The following MAP4K1 variants were observed in gnomAD, a reference collection of about 807,000 sequenced individuals.
MAP4K1 encodes the protein MAPK/ERK kinase kinase kinase 1.
Under a neutral mutation model 122.8 loss-of-function variants are expected in MAP4K1, and 35 were observed. The ratio of observed to expected loss-of-function variants is 0.29; its 90% CI spans 0.22 to 0.38. The LOEUF (loss-of-function observed/expected upper bound fraction) is 0.38. MAP4K1 is among the 10% of genes least tolerant of loss of function. The pLI is 1.00. For synonymous variants in MAP4K1, 412 were observed against 421.3 expected, an observed-to-expected ratio of 0.98 and a Z score of 0.27; for missense variants, 791 against 1,072.6, an observed-to-expected ratio of 0.74 and a Z score of 3.67.
At position 38,605,668 on chromosome 19, in the gene MAP4K1, G is replaced by C. The variant is rs769591301; in HGVS notation, c.1263C>G (p.Ser421Arg). 2.5e-6 allele frequency: 4 copies of C among 1,606,134 alleles called. No homozygotes were observed. In the Admixed American group the frequency reaches 5.2e-5, roughly 21 times the overall value. The part of the protein sequence containing the change: ...PGSMGDDGQL[S>R]PGVLVRCASG... ...TGGCACACCGGACCAGCACCCCCGG[G>C]CTCAGCTGCCCATCATCCCCCATGC... The change falls in exon 18 of 31, where the codon AGC becomes AGG. Residue 421 changes from serine to arginine, a missense_variant. By Grantham distance (110) the Ser-to-Arg change is moderately radical. Coordinates refer to ENST00000396857, the MANE Select transcript of MAP4K1 (RefSeq NM_001042600.3).
chr19:38,610,068 G>C, intron 11 of MAP4K1, 43 bp from the exon 12 acceptor site: 1 of 1,392,766 alleles, frequency 7.2e-7, no homozygotes, highest in Admixed American at 1.7e-5. Flanking sequence ...GGATGGTGTG[G>C]ACAGAGAGGG....
In MAP4K1 at chr19:38,600,135, C is replaced by T; in HGVS notation, c.1550G>A (p.Gly517Glu). The T allele has an allele frequency of 6.2e-7, 1 of 1,614,134 alleles. No individual in the cohort carries two copies. The highest frequency in any genetic ancestry group is 1.3e-5 in the African/African-American group (1 of 75,042). Residue 517 changes from glycine (G) to glutamate (E), a missense_variant, in exon 21 of 31, where the codon GGG (glycine) becomes GAG (glutamate). Transcript: ENST00000396857. The stretch of plus-strand genomic sequence containing the variant: ...CAGGATGAAGATGCCTTCCTCTGCC[C>T]CCAGGAGCAGGTGCTGGTCTGGAGG... ...PSTKDQHLLL[G>E]AEEGIFILNR...
At chr19:38,590,389 AAAAAAATATATATATAT>A (rs1205949749) in intron 30 of MAP4K1, among the ~76,000 whole-genome samples, 15 of 46,912 alleles carry the variant, frequency 3.2e-4, no homozygotes, top group African/African-American at 1.4e-3. Context: ...AAAAAAAAAA[AAAAAAATATATATATAT>A]ATATATATAT....
intron 19 of MAP4K1, among the ~76,000 whole-genome samples, chr19:38,603,279 TACATATACACAC>T (rs1028248309): frequency 3.4e-5 from 5 of 146,112 alleles, no homozygotes; most frequent in Admixed American, 6.7e-5. Flanking sequence ...TATATACACA[TACATATACACAC>T]ACACATACAT....
intron 4 of MAP4K1, 129 bp from the exon 5 acceptor site, chr19:38,614,574 GA>G (rs977766859): frequency 2.2e-5 from 21 of 957,164 alleles, no homozygotes; most frequent in Non-Finnish European, 3.3e-5. Context: ...GGACCAGTGG[GA>G]GGGGGAGATG....
At chr19:38,598,524 G>C (rs1424687350) in intron 22 of MAP4K1, among the ~76,000 whole-genome samples, 1 of 151,974 alleles carries the variant, frequency 6.6e-6, no homozygotes, top group Non-Finnish European at 1.5e-5. Context: ...TAGAGACGAG[G>C]TCTCACTATG....
chr19:38,596,168 A>G, intron 26 of MAP4K1, 144 bp downstream of exon 26: 1 of 1,301,662 alleles, frequency 7.7e-7, no homozygotes, highest in Admixed American at 2.2e-5. Flanking sequence ...CTCCCCAGTT[A>G]ACTAAAACCT....
Position 38,597,558 on chromosome 19 carries a change from C to G in MAP4K1, c.1706G>C (p.Gly569Ala). ...TCTGGTCTCTTTCCGTTCCAGCAGGCCAAGGATGCTATGAGAATACAGGTG... is the reference window on the plus strand; with the variant it reads ...TCTGGTCTCTTTCCGTTCCAGCAGGGCAAGGATGCTATGAGAATACAGGTG... Reference protein sequence around the residue: ...TPHLYSHSILGLLERKETRAG... With the variant: ...TPHLYSHSILALLERKETRAG... Residue 569 changes from glycine (G) to alanine (A), a missense_variant, in exon 23 of 31, where the codon GGC (glycine) becomes GCC (alanine). Transcript: ENST00000396857. The surrounding 1 kb of genome is among the most constrained non-coding windows in gnomAD (Gnocchi z 4.6). 1 of 1,613,568 alleles carries G rather than the reference C, an allele frequency of 6.2e-7. No individual in the cohort carries two copies. Among genetic ancestry groups the G allele is most frequent in the South Asian group, 1.1e-5 (1 of 91,030 alleles).
intron 26 of MAP4K1, 127 bp from the exon 27 acceptor site, chr19:38,596,128 C>T (rs1014276906): frequency 2.3e-6 from 3 of 1,314,540 alleles, no homozygotes; most frequent in Admixed American, 3.8e-5. Flanking sequence ...TAAACCCCGC[C>T]CACCATCCCG....
intron 19 of MAP4K1, 84 bp downstream of exon 19, chr19:38,605,325 T>G (rs1312146598): frequency 7.5e-6 from 8 of 1,064,034 alleles, no homozygotes; most frequent in Non-Finnish European, 9.8e-6. Context: ...GTTGTTACTG[T>G]CAGTCCTGCC....
At chr19:38,593,222 T>G in intron 30 of MAP4K1, 60 bp downstream of exon 30, 1 of 1,519,462 alleles carries the variant, frequency 6.6e-7, no homozygotes, top group Non-Finnish European at 9.0e-7. Context: ...CACCTCAGAA[T>G]GCTCTCTTCA....
Position 38,609,588 on chromosome 19 carries a change from C to G in MAP4K1, c.1006+8G>C, listed in dbSNP as rs188596759. On this transcript the variant is annotated splice_region_variant and intron_variant, in intron 13 of 30. Transcript: ENST00000396857. ...AGGTGTCCCCAAACATAAGGATTCT[C>G]TACTCACGACAGCAGTCTGCATCTG... is the stretch of plus-strand genomic sequence containing the variant. 962 of 1,612,790 alleles carry G rather than the reference C, an allele frequency of 6.0e-4. 9 individuals are homozygous for G. In the African/African-American group the frequency reaches 0.011, roughly 19 times the overall value.
At chr19:38,590,042 A>G (rs1205969995) in intron 30 of MAP4K1, among the ~76,000 whole-genome samples, 2 of 151,808 alleles carry the variant, frequency 1.3e-5, no homozygotes, top group Non-Finnish European at 2.9e-5. Context: ...AAAAAAAAGA[A>G]AAAGGGAGAA....
At chr19:38,600,476 G>T (rs960872317) in intron 20 of MAP4K1, among the ~76,000 whole-genome samples, 5 of 151,860 alleles carry the variant, frequency 3.3e-5, no homozygotes, top group Admixed American at 2.6e-4. Flanking sequence ...TTTCTCCCCA[G>T]TTCTGATACC....
At position 38,595,725 on chromosome 19, in the gene MAP4K1, A is replaced by C. The variant is rs757172697; in HGVS notation, c.2184T>G (p.Ser728=). 25 of 1,597,548 alleles carry C rather than the reference A, an allele frequency of 1.6e-5. No homozygotes were observed. The highest frequency in any genetic ancestry group is 1.7e-4 in the Middle Eastern group (1 of 5,972). The change falls in exon 28 of 31, where the codon TCT becomes TCG. Residue 728 remains serine, a synonymous_variant. Transcript: ENST00000396857. ...ACCCCTCCGGGGTCACCAGCTTCACAGAGCCTGGAAGGAGATAGACGGTTT... is the reference window on the plus strand; with the variant it reads ...ACCCCTCCGGGGTCACCAGCTTCACCGAGCCTGGAAGGAGATAGACGGTTT... The part of the protein sequence containing the change: ...EDMVMVLMDG[S]VKLVTPEGSP...
rs374124715 is a variant in MAP4K1 at position 38,593,346 on chromosome 19, A to G, written c.2341-9T>C. 38 of 1,606,256 alleles carry G rather than the reference A, an allele frequency of 2.4e-5. No individual in the cohort carries two copies. Among genetic ancestry groups the G allele is most frequent in the Non-Finnish European group, 3.2e-5 (38 of 1,176,214 alleles). On this transcript the variant is annotated splice_polypyrimidine_tract_variant and intron_variant, in intron 29 of 30. Coordinates refer to ENST00000396857, the MANE Select transcript of MAP4K1 (RefSeq NM_001042600.3). ...CTCAGCTCCTGTAGCAGCTAGGGAAAAAAAGTGTGTGTCTCAGTGCCTGGA... is the reference window on the plus strand; with the variant it reads ...CTCAGCTCCTGTAGCAGCTAGGGAAGAAAAGTGTGTGTCTCAGTGCCTGGA...
intron 30 of MAP4K1, 125 bp downstream of exon 30, chr19:38,593,157 G>T: frequency 1.2e-6 from 1 of 815,586 alleles, no homozygotes; most frequent in South Asian, 1.9e-5. Flanking sequence ...GAGCAGGGAT[G>T]GAAGCAGGGT....
rs939101967 is a variant in MAP4K1, at chr19:38,617,029, C to G, written c.248+325G>C. ...TTCGGAGGCCGAGGCGAGTGGATCA[C>G]AAGGTCAGGAGTTCAAGACCAGCCT... On this transcript the variant is annotated intron_variant, in intron 3 of 30. Transcript: ENST00000396857. The surrounding 1 kb of genome is among the most constrained non-coding windows in gnomAD (Gnocchi z 4.1). Among the ~76,000 whole-genome samples, 1 of 151,992 alleles carries G rather than the reference C, an allele frequency of 6.6e-6. No individual in the cohort carries two copies. The highest frequency in any genetic ancestry group is 2.4e-5 in the African/African-American group (1 of 41,358).
intron 20 of MAP4K1, among the ~76,000 whole-genome samples, chr19:38,601,009 T>C (rs543837201): frequency 6.6e-6 from 1 of 152,246 alleles, no homozygotes; most frequent in South Asian, 2.1e-4. Context: ...TTTTACCACG[T>C]TGGCCAGGCT....
Sources: allele counts gnomAD v4.1 joint callset (sites outside exome capture counted in the v4.1 genomes callset), GRCh38; gene constraint gnomAD v4.1.1; non-coding constraint Gnocchi (gnomAD v3.1); transcripts MANE v1.5; gene names NCBI Gene and HGNC (gene_info 2026-07-23, HGNC 2026-07-21).